HSD17B3: variants seen among roughly 807,000 people sequenced by gnomAD.
The protein encoded by HSD17B3 is hydroxysteroid 17-beta dehydrogenase 3, also known as 17-beta-hydroxysteroid dehydrogenase type 3.
A neutral mutation model predicts 41.1 loss-of-function variants in HSD17B3; 29 were observed. The ratio of observed to expected loss-of-function variants is 0.71; its 90% CI spans 0.53 to 0.96. The LOEUF (loss-of-function observed/expected upper bound fraction) is 0.96. HSD17B3 is among the 40% of genes least tolerant of loss of function. The probability of loss-of-function intolerance (pLI) is 0.00; values close to 1 mark genes in which losing one functional copy is unlikely to be tolerated. For missense variants in HSD17B3, 323 were observed against 374.6 expected, an observed-to-expected ratio of 0.86 and a Z score of 1.14; for synonymous variants, 126 against 145.6, an observed-to-expected ratio of 0.87 and a Z score of 0.97.
intron 2 of HSD17B3, among the ~76,000 whole-genome samples, chr9:96,282,883 T>C (rs1826751039): frequency 6.6e-6 from 1 of 151,858 alleles, no homozygotes; most frequent in Non-Finnish European, 1.5e-5. Flanking sequence ...AAAAAATTAA[T>C]ATTGTAAAAG....
intron 2 of HSD17B3, among the ~76,000 whole-genome samples, chr9:96,272,040 T>C (rs935207575): frequency 6.6e-6 from 1 of 152,004 alleles, no homozygotes; most frequent in Non-Finnish European, 1.5e-5. Context: ...ATGGTGGCCT[T>C]AGTCATTTTC....
At chr9:96,298,334 A>G (rs1827443000) in intron 2 of HSD17B3, 82 bp downstream of exon 2, 1 of 1,114,004 alleles carries the variant, frequency 9.0e-7, no homozygotes, top group Non-Finnish European at 1.4e-6. Context: ...TTTATATTCA[A>G]AAATCTAGTG....
intron 2 of HSD17B3, among the ~76,000 whole-genome samples, chr9:96,263,013 T>C (rs560911270): frequency 1.3e-5 from 2 of 152,312 alleles, no homozygotes; most frequent in South Asian, 4.1e-4. Context: ...TTGTCTCCCT[T>C]TTGTGACTAG....
At chr9:96,241,961 A>AAAAGAACGAAAGAAAGAAAGAAAG (rs1836459211) in intron 9 of HSD17B3, among the ~76,000 whole-genome samples, 1 of 100,696 alleles carries the variant, frequency 9.9e-6, no homozygotes, top group African/African-American at 4.2e-5. Context: ...AAAGAACAGA[A>AAAAGAACGAAAGAAAGAAAGAAAG]AAAGAAAGAA....
chr9:96,274,239 G>A (rs1000192138), intron 2 of HSD17B3, among the ~76,000 whole-genome samples: 2 of 152,022 alleles, frequency 1.3e-5, no homozygotes, highest in Non-Finnish European at 1.5e-5. Flanking sequence ...AGGAGTTCGA[G>A]ACCAACTTGG....
intron 10 of HSD17B3, among the ~76,000 whole-genome samples, chr9:96,235,803 C>T (rs1014299097): frequency 6.6e-6 from 1 of 151,976 alleles, no homozygotes. Flanking sequence ...TACAATCAGC[C>T]CTAAGGATTT....
At chr9:96,240,589 G>A (rs552926747) in intron 10 of HSD17B3, among the ~76,000 whole-genome samples, 169 bp downstream of exon 10, 30 of 152,148 alleles carry the variant, frequency 2.0e-4, no homozygotes, top group Non-Finnish European at 4.1e-4. Flanking sequence ...TCTAGTGGCT[G>A]AGCTCCCAGG....
At chr9:96,294,881 T>C (rs1443984632) in intron 2 of HSD17B3, among the ~76,000 whole-genome samples, 1 of 151,892 alleles carries the variant, frequency 6.6e-6, no homozygotes, top group African/African-American at 2.4e-5. Flanking sequence ...TAAGTTGCTA[T>C]ACATGAATTA....
rs1452231630 is a variant in HSD17B3, at chr9:96,267,816, A to G, written c.202-12873T>C. 3.3e-5 allele frequency among the ~76,000 whole-genome samples: 5 copies of G among 152,184 alleles called. No individual in the cohort carries two copies. The East Asian group carries it at 9.6e-4, about 29-fold the overall frequency. On this transcript the variant is annotated intron_variant, in intron 2 of 10. Transcript: ENST00000375263. ...ATGAGTGACAGGAGATCCAGAAAAA[A>G]GAGACCAAGCAGACAGGATGAATGA...
intron 2 of HSD17B3, among the ~76,000 whole-genome samples, chr9:96,271,357 A>G (rs1826239482): frequency 6.6e-6 from 1 of 152,192 alleles, no homozygotes; most frequent in South Asian, 2.1e-4. Context: ...AAAATTAAAC[A>G]ATTTTTAATT....
In HSD17B3 at chr9:96,235,491, G is replaced by A. The variant is rs372430180; in HGVS notation, c.902C>T (p.Ala301Val). Residue 301 changes from alanine to valine, a missense_variant, in exon 11 of 11, where the codon GCA becomes GTA. Ala to Val is a moderately conservative substitution (Grantham distance 64). Coordinates refer to ENST00000375263, the MANE Select transcript of HSD17B3 (RefSeq NM_000197.2). Reference sequence around the variant, plus strand: ...GACCTTGGTGTTGAGCTTCAGGTATGCCACATAGTGTGTCAGGAGCAGCCT... The same window carrying A: ...GACCTTGGTGTTGAGCTTCAGGTATACCACATAGTGTGTCAGGAGCAGCCT... Reference protein sequence around the residue: ...FQRLLLTHYVAYLKLNTKVR With the variant: ...FQRLLLTHYVVYLKLNTKVR 3.4e-5 allele frequency: 55 copies of A among 1,613,910 alleles called. No homozygotes were observed. The highest frequency in any genetic ancestry group is 4.4e-5 in the Non-Finnish European group (52 of 1,179,962).
intron 2 of HSD17B3, among the ~76,000 whole-genome samples, chr9:96,292,321 G>A (rs1044796247): frequency 1.3e-5 from 2 of 152,164 alleles, no homozygotes; most frequent in African/African-American, 4.8e-5. Context: ...GGCTGAAAAA[G>A]TATTTGAATA....
Position 96,302,000 on chromosome 9 carries a change from G to A in HSD17B3, c.105C>T (p.Tyr35=). 6.2e-7 allele frequency: 1 copy of A among 1,614,174 alleles called. No individual in the cohort carries two copies. Among genetic ancestry groups the A allele is most frequent in the Non-Finnish European group, 8.5e-7 (1 of 1,180,032 alleles). ...AGAAAGACTTTGGCAAAACTTTCCA[G>A]TAGTTCAGTAAAACACATCTGGAGA... The part of the protein sequence containing the change: ...VRFSRCVLLN[Y]WKVLPKSFLR... The change falls in exon 1 of 11, where the codon TAC becomes TAT. Residue 35 remains tyrosine (Y), a synonymous_variant. Coordinates refer to ENST00000375263, the MANE Select transcript of HSD17B3 (RefSeq NM_000197.2).
chr9:96,299,530 C>T (rs773226665), intron 1 of HSD17B3, among the ~76,000 whole-genome samples: 11 of 152,154 alleles, frequency 7.2e-5, no homozygotes, highest in Non-Finnish European at 1.5e-4. Context: ...CGACGGATAA[C>T]GGTCACACAC....
At chr9:96,244,943 C>T (rs990240619) in intron 8 of HSD17B3, among the ~76,000 whole-genome samples, 2 of 152,060 alleles carry the variant, frequency 1.3e-5, no homozygotes, top group Non-Finnish European at 2.9e-5. Flanking sequence ...TAAATCCATC[C>T]CTAGGGCCCC....
At chr9:96,269,063 G>A in intron 2 of HSD17B3, among the ~76,000 whole-genome samples, 1 of 149,030 alleles carries the variant, frequency 6.7e-6, no homozygotes, top group East Asian at 2.1e-4. Flanking sequence ...CAACATCATA[G>A]AGTGCACTTA....
At chr9:96,236,827 C>A (rs1179901750) in intron 10 of HSD17B3, among the ~76,000 whole-genome samples, 2 of 152,104 alleles carry the variant, frequency 1.3e-5, no homozygotes, top group African/African-American at 4.8e-5. Flanking sequence ...CAGAAGCAAT[C>A]ATTTCATAAT....
rs915173469 is a variant in HSD17B3, at chr9:96,251,615, G to A, written c.386-130C>T. 33 of 821,758 alleles carry A rather than the reference G, an allele frequency of 4.0e-5. No individual in the cohort carries two copies. In the African/African-American group the frequency reaches 5.1e-4, roughly 13 times the overall value. The allele number at this position is 821,758 out of a possible 1,614,324, so 50.9% of individuals were successfully genotyped here. On this transcript the variant is annotated intron_variant, in intron 4 of 10. Transcript: ENST00000375263. ...ATGATTTGGTAACGGTGAGGAAACT[G>A]GGGGGAAGTTTTTGTCCAGTAATAG...
At chr9:96,249,850 T>C (rs1836824533) in intron 5 of HSD17B3, 64 bp from the exon 6 acceptor site, 1 of 1,612,214 alleles carries the variant, frequency 6.2e-7, no homozygotes, top group East Asian at 2.2e-5. Context: ...TGGAAAGTAG[T>C]TGGTGCTAAA....
Sources: allele counts gnomAD v4.1 joint callset (sites outside exome capture counted in the v4.1 genomes callset), GRCh38; gene constraint gnomAD v4.1.1; transcripts MANE v1.5; gene names NCBI Gene and HGNC (gene_info 2026-07-23, HGNC 2026-07-21).